MACF1: variants seen among roughly 807,000 people sequenced by gnomAD.
MACF1 encodes the protein microtubule actin crosslinking factor 1, also known as microtubule-actin cross-linking factor 1.
A neutral mutation model predicts 854.8 loss-of-function variants in MACF1; 193 were observed. The observed-to-expected ratio is 0.23, with a 90% CI of 0.20 to 0.25. The LOEUF is 0.25. MACF1 is among the 10% of genes least tolerant of loss of function. The pLI is 1.00. For synonymous variants in MACF1, 3,185 were observed against 3,226.7 expected, an observed-to-expected ratio of 0.99 and a Z score of 0.44; for missense variants, 7,722 against 8,929.1, an observed-to-expected ratio of 0.86 and a Z score of 5.45.
intron 58 of MACF1, among the ~76,000 whole-genome samples, chr1:39,395,243 G>C (rs1284383403): frequency 6.6e-6 from 1 of 152,098 alleles, no homozygotes; most frequent in Non-Finnish European, 1.5e-5. Context: ...TGTCTCCCTG[G>C]AAGGCAGAAT....
intron 2 of MACF1, among the ~76,000 whole-genome samples, chr1:39,141,953 C>T (rs1643355093): frequency 6.6e-6 from 1 of 152,174 alleles, no homozygotes; most frequent in Non-Finnish European, 1.5e-5. Context: ...AGGAAGGTGC[C>T]TGTGCTCTCT....
intron 6 of MACF1, among the ~76,000 whole-genome samples, chr1:39,262,711 G>GC (rs1645178396): frequency 6.6e-6 from 1 of 152,086 alleles, no homozygotes; most frequent in African/African-American, 2.4e-5. Context: ...AGCAGCTTTG[G>GC]CCTAGTCTGT....
At chr1:39,478,067 A>G (rs904727150) in intron 97 of MACF1, among the ~76,000 whole-genome samples, 25 of 138,838 alleles carry the variant, frequency 1.8e-4, no homozygotes, top group African/African-American at 6.9e-4. Context: ...CAGTGGCACG[A>G]TCTCGGCTCA....
chr1:39,105,681 G>A lies in MACF1; in HGVS notation c.220+21243G>A. 8.1e-7 allele frequency: 1 copy of A among 1,234,952 alleles called. No individual in the cohort carries two copies. Among genetic ancestry groups the A allele is most frequent in the South Asian group, 1.3e-5 (1 of 75,320 alleles). The allele number at this position is 1,234,952 out of a possible 1,614,324, so 76.5% of individuals were successfully genotyped here. On this transcript the variant is annotated intron_variant, in intron 2 of 93. Transcript: ENST00000361689. This position sits in a 1 kb window ranked among gnomAD's most constrained non-coding sequence, Gnocchi z 5.9. ...CAACCGCAGCCAGGAGAAGGAGTTC[G>A]TGCAGGCGTACGAGGATGTGCTGGA...
At chr1:39,431,834 C>T (rs1483368478) in intron 66 of MACF1, among the ~76,000 whole-genome samples, 5 of 151,950 alleles carry the variant, frequency 3.3e-5, no homozygotes, top group Admixed American at 2.0e-4. Context: ...ATTAGCCGAT[C>T]ATGGTGGCAA....
chr1:39,228,129 G>A (rs1644737107), intron 1 of MACF1, among the ~76,000 whole-genome samples: 1 of 152,186 alleles, frequency 6.6e-6, no homozygotes, highest in African/African-American at 2.4e-5. Context: ...TGGCCCATAT[G>A]GTGAAACCCT....
Position 39,107,539 on chromosome 1 carries a change from C to A in MACF1, c.220+23101C>A, listed in dbSNP as rs140424086. Among the ~76,000 whole-genome samples, 25 of 152,244 alleles carry A rather than the reference C, an allele frequency of 1.6e-4. No individual in the cohort carries two copies. The East Asian group carries it at 4.4e-3, about 27-fold the overall frequency. ...GGTGCAGAACAATCTCTCTTCCCCC[C>A]ACTGCACCGTTCTCACTGGGAGGTC... is the stretch of plus-strand genomic sequence containing the variant. On this transcript the variant is annotated intron_variant, in intron 2 of 93. Transcript: ENST00000361689.
Position 39,105,367 on chromosome 1 carries a change from G to T in MACF1, c.220+20929G>T. The stretch of plus-strand genomic sequence containing the variant: ...CTGCAGCCGCGCCGGGGCGGGCTGA[G>T]GGAGGAGCGGAGCCGAGGGGTGAGG... On this transcript the variant is annotated intron_variant, in intron 2 of 93. Transcript: ENST00000361689. The surrounding 1 kb of genome is among the most constrained non-coding windows in gnomAD (Gnocchi z 5.9). The T allele has an allele frequency of 1.0e-6, 1 of 979,300 alleles. No individual in the cohort carries two copies. Among genetic ancestry groups the T allele is most frequent in the South Asian group, 4.7e-5 (1 of 21,370 alleles). 60.7% of individuals were successfully genotyped at this position (979,300 alleles called of 1,614,324 possible). A position where few individuals can be genotyped will look rare whatever the true frequency, so the allele number is the denominator to read the frequency against.
intron 2 of MACF1, among the ~76,000 whole-genome samples, chr1:39,102,397 AT>A (rs1278609222): frequency 7.1e-6 from 1 of 141,590 alleles, no homozygotes; most frequent in Non-Finnish European, 1.5e-5. Flanking sequence ...TGTGATGAGT[AT>A]TACCAAAGGG....
chr1:39,323,696 G>A (rs1463856227), intron 33 of MACF1, among the ~76,000 whole-genome samples: 1 of 151,876 alleles, frequency 6.6e-6, no homozygotes, highest in Non-Finnish European at 1.5e-5. Context: ...TTCTGTCTTT[G>A]TAAAATAAGT....
chr1:39,355,400 C>T (rs1469046465), intron 44 of MACF1, among the ~76,000 whole-genome samples: 3 of 151,918 alleles, frequency 2.0e-5, no homozygotes, highest in Non-Finnish European at 2.9e-5. Flanking sequence ...GTACCGCTCC[C>T]ACTTCACTAT....
chr1:39,348,043 C>T (rs1012889736), intron 41 of MACF1, among the ~76,000 whole-genome samples: 1 of 152,254 alleles, frequency 6.6e-6, no homozygotes, highest in East Asian at 1.9e-4. Context: ...GTCATTATCA[C>T]CATAAAATTT....
intron 97 of MACF1, among the ~76,000 whole-genome samples, chr1:39,476,570 C>CA (rs371894931): frequency 0.19 from 25,922 of 135,166 alleles, 2,771 homozygotes; most frequent in Non-Finnish European, 0.26. Flanking sequence ...GACTCTGTCT[C>CA]AAAAAAAAAA....
Position 39,368,455 on chromosome 1 carries a change from G to A in MACF1, c.12938+141G>A, listed in dbSNP as rs1306534876. Reference sequence around the variant, plus strand: ...ACTGAGTTGTAGGAGGGTGAAAAGTGCCTTTTTTTAGGCAAAGCTACCTCA... The same window carrying A: ...ACTGAGTTGTAGGAGGGTGAAAAGTACCTTTTTTTAGGCAAAGCTACCTCA... On this transcript the variant is annotated intron_variant, in intron 50 of 100. Coordinates refer to ENST00000564288, the MANE Select transcript of MACF1 (RefSeq NM_001394062.1). The A allele has an allele frequency of 4.9e-6, 4 of 821,958 alleles. No homozygotes were observed. In the African/African-American group the frequency reaches 6.9e-5, roughly 14 times the overall value. 50.9% of individuals were successfully genotyped at this position (821,958 alleles called of 1,614,324 possible).
rs1645071743 is a variant in MACF1 at position 39,484,607 on chromosome 1, C to T, written c.22288C>T (p.Pro7430Ser). 6.2e-7 allele frequency: 1 copy of T among 1,611,450 alleles called. No homozygotes were observed. The highest frequency in any genetic ancestry group is 2.2e-5 in the East Asian group (1 of 44,802). The change falls in exon 100 of 101, where the codon CCA becomes TCA. Residue 7430 changes from proline (P) to serine (S), a missense_variant. Physicochemically the swap from Pro to Ser is moderately conservative, Grantham distance 74. This residue lies in a region of MACF1 where 185 missense variants were observed against 225.7 expected (regional missense o/e 0.82). Transcript: ENST00000564288. ...TTTTATTATTTTTTTTAAGGTTATC[C>T]CATCATCAGGTAGCAAGTTGAAACG... ...DLQLPTPEVI[P>S]SSGSKLKRPT...
At chr1:39,187,957 C>CCTCCCCTCCT (rs1218027648) in intron 2 of MACF1, among the ~76,000 whole-genome samples, 3 of 109,920 alleles carry the variant, frequency 2.7e-5, no homozygotes, top group Non-Finnish European at 3.8e-5. Flanking sequence ...CCTTCCCTTC[C>CCTCCCCTCCT]CTCCCCTCCT....
At chr1:39,419,751 G>A (rs1166785620) in intron 58 of MACF1, among the ~76,000 whole-genome samples, 1 of 151,388 alleles carries the variant, frequency 6.6e-6, no homozygotes. Context: ...TTGTGCCTCA[G>A]CCTCCCAAGT....
At chr1:39,329,547 G>A (rs1646680344) in intron 36 of MACF1, among the ~76,000 whole-genome samples, 2 of 152,102 alleles carry the variant, frequency 1.3e-5, no homozygotes, top group Admixed American at 6.6e-5. Flanking sequence ...GAAATAATTG[G>A]AAATTGCTTC....
chr1:39,300,379 G>T lies in MACF1; in HGVS notation c.2634+17G>T, dbSNP rs201160670. On this transcript the variant is annotated intron_variant, in intron 22 of 100. Transcript: ENST00000564288. ...CAGATCGAGGTGAGGAGGTAGAAAG[G>T]GTACCTCTGGGCCACAGGGGGAAGG... The T allele has an allele frequency of 1.2e-6, 2 of 1,609,350 alleles. No individual in the cohort carries two copies. The highest frequency in any genetic ancestry group is 1.7e-6 in the Non-Finnish European group (2 of 1,177,728).
Sources: allele counts gnomAD v4.1 joint callset (sites outside exome capture counted in the v4.1 genomes callset), GRCh38; gene constraint gnomAD v4.1.1; regional missense constraint gnomAD v4.1.1; non-coding constraint Gnocchi (gnomAD v3.1); transcripts MANE v1.5; gene names NCBI Gene and HGNC (gene_info 2026-07-23, HGNC 2026-07-21).